TGFBRAP1: variants seen among roughly 807,000 people sequenced by gnomAD.
The protein encoded by TGFBRAP1 is transforming growth factor beta receptor associated protein 1.
Under a neutral mutation model 83.2 loss-of-function variants are expected in TGFBRAP1, and 20 were observed. The observed-to-expected ratio is 0.24, with a 90% CI of 0.17 to 0.35. The LOEUF (loss-of-function observed/expected upper bound fraction) is 0.35, where lower values mean the gene tolerates loss of function less well. Among genes scored for constraint, TGFBRAP1 ranks in the 10% least tolerant of loss-of-function variants. The pLI is 1.00. For synonymous variants in TGFBRAP1, 415 were observed against 459.8 expected (o/e 0.90, Z 1.25); for missense variants, 950 against 1,099.4 (o/e 0.86, Z 1.92).
rs1424397052 is a variant in TGFBRAP1 at position 105,269,625 on chromosome 2, T to C, written c.2053A>G (p.Ile685Val). ...KLGEHEKALHILVHELQDFAA... is the reference protein window; with the variant it reads ...KLGEHEKALHVLVHELQDFAA... Reference sequence around the variant, plus strand: ...AAGTCCTGCAGCTCGTGCACCAGGATATGCAGCGCCTTCTCATGCTCGCCC... The same window carrying C: ...AAGTCCTGCAGCTCGTGCACCAGGACATGCAGCGCCTTCTCATGCTCGCCC... Residue 685 changes from isoleucine to valine, a missense_variant, in exon 11 of 12, where the codon ATC (isoleucine) becomes GTC (valine). By Grantham distance (29) the Ile-to-Val change is conservative. Transcript: ENST00000393359. This position sits in a 1 kb window ranked among gnomAD's most constrained non-coding sequence, Gnocchi z 4.1. The C allele has an allele frequency of 1.9e-6, 3 of 1,603,014 alleles. No homozygotes were observed. Among genetic ancestry groups the C allele is most frequent in the Non-Finnish European group, 2.6e-6 (3 of 1,172,512 alleles).
chr2:105,295,809 C>CAAA (rs368369527), intron 4 of TGFBRAP1, among the ~76,000 whole-genome samples: 12 of 74,940 alleles, frequency 1.6e-4, no homozygotes, highest in Admixed American at 1.6e-4. Flanking sequence ...GACTCCATCT[C>CAAA]AAAAAAAAAA....
At chr2:105,294,307 G>GGTGTGT (rs3060066) in intron 4 of TGFBRAP1, among the ~76,000 whole-genome samples, 24,689 of 147,808 alleles carry the variant, frequency 0.17, 2,288 homozygotes, top group Middle Eastern at 0.21. Flanking sequence ...TAGGAGTGAG[G>GGTGTGT]GTGTGTGTGT....
intron 1 of TGFBRAP1, among the ~76,000 whole-genome samples, chr2:105,310,198 C>G (rs987431877): frequency 6.6e-6 from 1 of 152,090 alleles, no homozygotes; most frequent in African/African-American, 2.4e-5. Context: ...AGTAAGTGAC[C>G]TCATATAAAA....
the TGFBRAP1 span, among the ~76,000 whole-genome samples, chr2:105,250,549 A>G: frequency 1.1e-4 from 17 of 151,084 alleles, no homozygotes; most frequent in Middle Eastern, 3.4e-3. Flanking sequence ...AAGGAAGGAA[A>G]GAAAATTGGA....
the TGFBRAP1 span, among the ~76,000 whole-genome samples, chr2:105,250,446 A>AT: frequency 1.3e-5 from 2 of 152,132 alleles, no homozygotes; most frequent in East Asian, 3.9e-4. Flanking sequence ...TTTCGGAAGC[A>AT]TTTTTTAAAA....
intron 1 of TGFBRAP1, among the ~76,000 whole-genome samples, chr2:105,316,023 A>G (rs1196997844): frequency 1.3e-5 from 2 of 152,212 alleles, no homozygotes; most frequent in Non-Finnish European, 2.9e-5. Context: ...AAAAGAAGTA[A>G]ACTACTGACA....
At chr2:105,290,364 G>T (rs1018106407) in intron 4 of TGFBRAP1, among the ~76,000 whole-genome samples, 7 of 152,088 alleles carry the variant, frequency 4.6e-5, no homozygotes, top group African/African-American at 1.7e-4. Context: ...GCTGCACCTG[G>T]CCAGCAATTT....
At chr2:105,277,721 A>G (rs1272301883) in intron 6 of TGFBRAP1, 50 bp from the exon 7 acceptor site, 1 of 1,574,552 alleles carries the variant, frequency 6.4e-7, no homozygotes, top group African/African-American at 1.3e-5. Context: ...CAGCTCCTGG[A>G]GGCGACCTTC....
At chr2:105,296,252 T>G in intron 4 of TGFBRAP1, 104 bp downstream of exon 4, 2 of 1,360,904 alleles carry the variant, frequency 1.5e-6, no homozygotes, top group Non-Finnish European at 2.0e-6. Flanking sequence ...AAAAGCAGTG[T>G]GTACAGCCCG....
In TGFBRAP1 at chr2:105,269,670, C is replaced by A; in HGVS notation, c.2008G>T (p.Ala670Ser). The change falls in exon 11 of 12, where the codon GCC becomes TCC. Residue 670 changes from alanine to serine, a missense_variant. Coordinates refer to ENST00000393359, the MANE Select transcript of TGFBRAP1 (RefSeq NM_004257.6). The surrounding 1 kb of genome is among the most constrained non-coding windows in gnomAD (Gnocchi z 4.1). ...LQGAGLPMES[A>S]ILHGKLGEHE... The stretch of plus-strand genomic sequence containing the variant: ...TCGCCCAGCTTCCCGTGCAGGATGG[C>A]GCTCTCCATGGGCAGGCCAGCTCCC... The A allele has an allele frequency of 2.5e-6, 4 of 1,572,414 alleles. No homozygotes were observed. The highest frequency in any genetic ancestry group is 3.5e-6 in the Non-Finnish European group (4 of 1,155,552).
chr2:105,329,279 ACACACACGCACTCCT>A (rs905101743), intron 1 of TGFBRAP1, among the ~76,000 whole-genome samples: 6 of 151,910 alleles, frequency 3.9e-5, no homozygotes, highest in African/African-American at 1.5e-4. Flanking sequence ...CTTGCCCTAA[ACACACACGCACTCCT>A]CACACACAAC....
chr2:105,269,735 A>C lies in TGFBRAP1; in HGVS notation c.1973-30T>G. The stretch of plus-strand genomic sequence containing the variant: ...AAGACAGAACCTGCAGCTCAGAAAG[A>C]AAGGGGCTCGCCGGCCACCCGCCCA... On this transcript the variant is annotated intron_variant, in intron 10 of 11. Transcript: ENST00000393359. The surrounding 1 kb of genome is among the most constrained non-coding windows in gnomAD (Gnocchi z 4.1). The C allele has an allele frequency of 6.8e-7, 1 of 1,475,536 alleles. No homozygotes were observed. The highest frequency in any genetic ancestry group is 9.0e-7 in the Non-Finnish European group (1 of 1,116,256). The allele number at this position is 1,475,536 out of a possible 1,614,324, so 91.4% of individuals were successfully genotyped here. A position where few individuals can be genotyped will look rare whatever the true frequency, so the allele number is the denominator to read the frequency against.
intron 4 of TGFBRAP1, among the ~76,000 whole-genome samples, chr2:105,294,542 G>T (rs1678019195): frequency 6.6e-6 from 1 of 152,208 alleles, no homozygotes; most frequent in Non-Finnish European, 1.5e-5. Context: ...AGTGAGCATG[G>T]TCTGAATACC....
At chr2:105,271,398 G>A (rs1049841146) in intron 10 of TGFBRAP1, among the ~76,000 whole-genome samples, 1 of 152,202 alleles carries the variant, frequency 6.6e-6, no homozygotes, top group African/African-American at 2.4e-5. Flanking sequence ...TTCAATAGCT[G>A]GGACACCCTG....
At position 105,266,091 on chromosome 2, in the gene TGFBRAP1, GACA is replaced by G. The variant is rs1676922238; in HGVS notation, c.*1289_*1291del. ...GAAATTCCAAAGAGGGCAGTGAAGTGACAACAGCTTCAGCTCGTCATCGATGTT... is the reference window on the plus strand; with the variant it reads ...GAAATTCCAAAGAGGGCAGTGAAGTGACAGCTTCAGCTCGTCATCGATGTT... On this transcript the variant is annotated 3_prime_UTR_variant, in exon 12 of 12. Transcript: ENST00000393359. The G allele has an allele frequency of 6.6e-6, 1 of 152,274 alleles. No homozygotes were observed. Among genetic ancestry groups the G allele is most frequent in the South Asian group, 2.1e-4 (1 of 4,830 alleles). 9.4% of individuals were successfully genotyped at this position (152,274 alleles called of 1,614,324 possible). A position where few individuals can be genotyped will look rare whatever the true frequency, so the allele number is the denominator to read the frequency against.
At chr2:105,285,263 C>T (rs948191138) in intron 4 of TGFBRAP1, among the ~76,000 whole-genome samples, 2 of 152,240 alleles carry the variant, frequency 1.3e-5, no homozygotes, top group African/African-American at 4.8e-5. Flanking sequence ...GACAGCCACA[C>T]ATTTTGTGAA....
intron 1 of TGFBRAP1, among the ~76,000 whole-genome samples, chr2:105,309,923 C>T (rs1434217863): frequency 6.6e-6 from 1 of 152,160 alleles, no homozygotes; most frequent in African/African-American, 2.4e-5. Flanking sequence ...TTATTTGTTC[C>T]TTCCATCCAC....
intron 6 of TGFBRAP1, among the ~76,000 whole-genome samples, chr2:105,278,385 G>A (rs905830167): frequency 1.3e-4 from 20 of 152,298 alleles, no homozygotes; most frequent in Non-Finnish European, 2.5e-4. Flanking sequence ...AGCAGAGACT[G>A]AGAAGGAGGG....
intron 1 of TGFBRAP1, among the ~76,000 whole-genome samples, chr2:105,328,886 G>A (rs1679293216): frequency 6.6e-6 from 1 of 152,144 alleles, no homozygotes; most frequent in Non-Finnish European, 1.5e-5. Flanking sequence ...GCAGACAACC[G>A]GACAGCTTCC....
Sources: allele counts gnomAD v4.1 joint callset (sites outside exome capture counted in the v4.1 genomes callset), GRCh38; gene constraint gnomAD v4.1.1; non-coding constraint Gnocchi (gnomAD v3.1); transcripts MANE v1.5; gene names NCBI Gene and HGNC (gene_info 2026-07-23, HGNC 2026-07-21).